The following TM9SF3 variants were observed in gnomAD, a reference collection of about 807,000 sequenced individuals.
TM9SF3 encodes transmembrane 9 superfamily member 3.
In TM9SF3, 14 loss-of-function variants were observed where a neutral mutation model predicts 78.6. The observed-to-expected ratio is 0.18, with a 90% CI of 0.12 to 0.28. TM9SF3 has a LOEUF of 0.28. Among genes scored for constraint, TM9SF3 ranks in the 10% least tolerant of loss-of-function variants. The pLI is 1.00. For synonymous variants in TM9SF3, 231 were observed against 241.7 expected (o/e 0.96, Z 0.41); for missense variants, 496 against 721.9 (o/e 0.69, Z 3.59).
At chr10:96,544,261 T>C in intron 8 of TM9SF3, 55 bp from the exon 9 acceptor site, 1 of 1,411,274 alleles carries the variant, frequency 7.1e-7, no homozygotes, top group Non-Finnish European at 9.4e-7. Context: ...ACGAAATTAT[T>C]TGTTTGAAAT....
At chr10:96,556,415 A>T (rs766331839) in intron 5 of TM9SF3, among the ~76,000 whole-genome samples, 4 of 152,208 alleles carry the variant, frequency 2.6e-5, no homozygotes, top group Non-Finnish European at 5.9e-5. Context: ...GAAGAACTGA[A>T]TCATTTAACC....
Position 96,521,939 on chromosome 10 carries a change from A to C in TM9SF3, c.*324T>G, listed in dbSNP as rs188741919. 2.3e-4 allele frequency: 50 copies of C among 220,110 alleles called. No homozygotes were observed. The highest frequency in any genetic ancestry group is 1.2e-3 in the Admixed American group (20 of 16,672). The allele number at this position is 220,110 out of a possible 1,614,324, so 13.6% of individuals were successfully genotyped here. A position where few individuals can be genotyped will look rare whatever the true frequency, so the allele number is the denominator to read the frequency against. On this transcript the variant is annotated 3_prime_UTR_variant, in exon 15 of 15. Transcript: ENST00000371142. ...TTATTTTATTGGAACAAATGCTTTAAATAAACTATTTGTCCTCTTCACTGA... is the reference window on the plus strand; with the variant it reads ...TTATTTTATTGGAACAAATGCTTTACATAAACTATTTGTCCTCTTCACTGA...
In TM9SF3 at chr10:96,548,006, G is replaced by GAA. The variant is rs750924284; in HGVS notation, c.960-19_960-18dup. 19 of 1,458,934 alleles carry GAA rather than the reference G, an allele frequency of 1.3e-5. No individual in the cohort carries two copies. The highest frequency in any genetic ancestry group is 7.4e-5 in the East Asian group (3 of 40,540). 90.4% of individuals were successfully genotyped at this position (1,458,934 alleles called of 1,614,324 possible). A position where few individuals can be genotyped will look rare whatever the true frequency, so the allele number is the denominator to read the frequency against. ...GATCCCCTCCTAAAAAGGCAAAAAA[G>GAA]AAAAAAAAAATTAAAACCAACAATT... is the stretch of plus-strand genomic sequence containing the variant. On this transcript the variant is annotated splice_polypyrimidine_tract_variant and intron_variant, in intron 7 of 14. Coordinates refer to ENST00000371142, the MANE Select transcript of TM9SF3 (RefSeq NM_020123.4).
At chr10:96,567,617 C>G (rs923772741) in intron 2 of TM9SF3, among the ~76,000 whole-genome samples, 4 of 152,164 alleles carry the variant, frequency 2.6e-5, no homozygotes, top group African/African-American at 4.8e-5. Flanking sequence ...CCTGACTCCC[C>G]ACTCCCCACA....
chr10:96,526,345 T>C (rs954815298), intron 14 of TM9SF3, among the ~76,000 whole-genome samples: 1 of 152,024 alleles, frequency 6.6e-6, no homozygotes, highest in African/African-American at 2.4e-5. Context: ...CTCTGAAAGA[T>C]ATGCCCATTT....
At position 96,586,930 on chromosome 10, in the gene TM9SF3, T is replaced by C. The variant is rs1848641732; in HGVS notation, c.-95A>G. On this transcript the variant is annotated 5_prime_UTR_variant, in exon 1 of 15. It removes an upstream start codon present in the reference 5' UTR. Coordinates refer to ENST00000371142, the MANE Select transcript of TM9SF3 (RefSeq NM_020123.4). ...CCGCCTCCGCCGCGGCCGATTCGCA[T>C]CCACGGGGCGCGGACAGACGCACGG... The C allele has an allele frequency of 9.9e-7, 1 of 1,013,280 alleles. No homozygotes were observed. The highest frequency in any genetic ancestry group is 1.2e-6 in the Non-Finnish European group (1 of 816,672). 62.8% of individuals were successfully genotyped at this position (1,013,280 alleles called of 1,614,324 possible).
chr10:96,566,203 TAAG>T (rs1787311356), intron 2 of TM9SF3, among the ~76,000 whole-genome samples: 1 of 152,158 alleles, frequency 6.6e-6, no homozygotes, highest in South Asian at 2.1e-4. Flanking sequence ...AGAAAAAAAT[TAAG>T]AAATCATTCT....
chr10:96,541,414 C>A (rs1359659780), intron 9 of TM9SF3, among the ~76,000 whole-genome samples: 3 of 151,768 alleles, frequency 2.0e-5, no homozygotes, highest in Non-Finnish European at 4.4e-5. Flanking sequence ...CTCACTCTGC[C>A]ACCCAGGCTG....
At chr10:96,545,193 C>A (rs1228404154) in intron 8 of TM9SF3, among the ~76,000 whole-genome samples, 9 of 152,156 alleles carry the variant, frequency 5.9e-5, no homozygotes, top group Non-Finnish European at 1.3e-4. Flanking sequence ...GTAAAGCTGG[C>A]AGAAAATATC....
In TM9SF3 at chr10:96,522,194, G is replaced by A; in HGVS notation, c.*69C>T. 7.4e-7 allele frequency: 1 copy of A among 1,355,972 alleles called. No individual in the cohort carries two copies. The highest frequency in any genetic ancestry group is 2.4e-5 in the East Asian group (1 of 41,594). 84.0% of individuals were successfully genotyped at this position (1,355,972 alleles called of 1,614,324 possible). ...CCCAAATCTCTTCTTGCGTTTGTTT[G>A]TTTTTGCTGTGCAAGTTCCACCCCT... On this transcript the variant is annotated 3_prime_UTR_variant, in exon 15 of 15. Transcript: ENST00000371142.
chr10:96,550,884 C>A (rs1057279549), intron 7 of TM9SF3, among the ~76,000 whole-genome samples: 2 of 152,048 alleles, frequency 1.3e-5, no homozygotes, highest in Non-Finnish European at 2.9e-5. Context: ...AACTTAGTAA[C>A]TGAAATTCTT....
At chr10:96,536,431 T>TA (rs1402284990) in intron 9 of TM9SF3, among the ~76,000 whole-genome samples, 3 of 152,056 alleles carry the variant, frequency 2.0e-5, no homozygotes, top group Non-Finnish European at 4.4e-5. Flanking sequence ...AAATTAAAAA[T>TA]AAAAAAACTT....
chr10:96,542,727 T>G (rs747419448), intron 9 of TM9SF3, among the ~76,000 whole-genome samples: 1 of 151,914 alleles, frequency 6.6e-6, no homozygotes, highest in African/African-American at 2.4e-5. Context: ...ATTATTTCCC[T>G]GTCTGGTGTA....
intron 11 of TM9SF3, among the ~76,000 whole-genome samples, chr10:96,529,687 A>T (rs1448113111): frequency 1.3e-5 from 2 of 152,128 alleles, no homozygotes; most frequent in African/African-American, 4.8e-5. Flanking sequence ...TACTTGTCTT[A>T]AAATATTATG....
intron 8 of TM9SF3, among the ~76,000 whole-genome samples, chr10:96,545,482 A>G (rs1020787859): frequency 4.6e-5 from 7 of 152,358 alleles, no homozygotes; most frequent in Non-Finnish European, 8.8e-5. Context: ...CCAGCATTGG[A>G]ACAATACAAA....
chr10:96,584,038 A>T (rs1391617079), intron 1 of TM9SF3, among the ~76,000 whole-genome samples: 1 of 152,134 alleles, frequency 6.6e-6, no homozygotes, highest in Non-Finnish European at 1.5e-5. Context: ...ATGCCTCAAA[A>T]AAACAAAACA....
intron 9 of TM9SF3, among the ~76,000 whole-genome samples, chr10:96,534,918 A>G (rs148870741): frequency 6.6e-6 from 1 of 152,256 alleles, no homozygotes; most frequent in African/African-American, 2.4e-5. Context: ...GAATTTTGTC[A>G]TTGATTAGGA....
chr10:96,557,450 T>A (rs184103458), intron 5 of TM9SF3, among the ~76,000 whole-genome samples: 2 of 97,406 alleles, frequency 2.1e-5, no homozygotes, highest in African/African-American at 8.9e-5. Context: ...TTTCATCACC[T>A]ACCCTGCTAC....
At chr10:96,539,018 G>A (rs1419731127) in intron 9 of TM9SF3, among the ~76,000 whole-genome samples, 2 of 152,272 alleles carry the variant, frequency 1.3e-5, no homozygotes, top group East Asian at 1.9e-4. Flanking sequence ...ATTTATCCAA[G>A]AGAAATGAAA....
Sources: gnomAD v4.1 joint callset for allele counts (sites outside exome capture counted in the v4.1 genomes callset) on GRCh38, gnomAD v4.1.1 for gene constraint, MANE v1.5 for transcripts, NCBI Gene and HGNC (gene_info 2026-07-23, HGNC 2026-07-21) for gene names.